DDX19A: variants seen among roughly 807,000 people sequenced by gnomAD.
DDX19A encodes the protein ATP-dependent RNA helicase DDX19A.
In DDX19A, 12 loss-of-function variants were observed where a neutral mutation model predicts 60.6. The observed-to-expected ratio is 0.20, with a 90% CI of 0.13 to 0.32. The LOEUF is 0.32. Ranked by LOEUF, DDX19A falls within the 10% of genes least tolerant of loss-of-function variation. The pLI, the probability that DDX19A is intolerant of heterozygous loss-of-function variation, is 1.00. For missense variants in DDX19A, 337 were observed against 600.6 expected, an observed-to-expected ratio of 0.56 and a Z score of 4.59; for synonymous variants, 206 against 218.2, an observed-to-expected ratio of 0.94 and a Z score of 0.49.
At chr16:70,370,420 G>T (rs944386652) in intron 10 of DDX19A, 35 bp downstream of exon 10, 1 of 1,596,034 alleles carries the variant, frequency 6.3e-7, no homozygotes, top group African/African-American at 1.4e-5. Flanking sequence ...GGTCTGCCAG[G>T]CTCGGGGTCC....
At position 70,361,400 on chromosome 16, in the gene DDX19A, G is replaced by C; in HGVS notation, c.294-18G>C. On this transcript the variant is annotated intron_variant, in intron 4 of 11. Transcript: ENST00000302243. ...TCTAACTTCTAGGCATCCATCCTCTGTCTTCCTGGCTTCCTAGGAAACCAC... is the reference window on the plus strand; with the variant it reads ...TCTAACTTCTAGGCATCCATCCTCTCTCTTCCTGGCTTCCTAGGAAACCAC... The C allele has an allele frequency of 6.3e-7, 1 of 1,589,724 alleles. No individual in the cohort carries two copies. Among genetic ancestry groups the C allele is most frequent in the South Asian group, 1.1e-5 (1 of 90,546 alleles).
chr16:70,351,302 C>T (rs931916919), intron 2 of DDX19A, among the ~76,000 whole-genome samples: 16 of 151,640 alleles, frequency 1.1e-4, no homozygotes, highest in Non-Finnish European at 1.8e-4. Flanking sequence ...GCCACCCAGG[C>T]TCAAGAGATC....
rs554575311 is a variant in DDX19A, at chr16:70,361,340, T to A, written c.294-78T>A. 1.7e-4 allele frequency: 187 copies of A among 1,083,650 alleles called. 4 individuals are homozygous for A. In the South Asian group the frequency reaches 2.2e-3, roughly 13 times the overall value. The allele number at this position is 1,083,650 out of a possible 1,614,324, so 67.1% of individuals were successfully genotyped here. A position where few individuals can be genotyped will look rare whatever the true frequency, so the allele number is the denominator to read the frequency against. On this transcript the variant is annotated intron_variant, in intron 4 of 11. Transcript: ENST00000302243. Reference sequence around the variant, plus strand: ...AGGTAGGAGGCATCATTCCTTTCTATAGAAAAAGATAAGATTCTAGGCCTC... The same window carrying A: ...AGGTAGGAGGCATCATTCCTTTCTAAAGAAAAAGATAAGATTCTAGGCCTC...
At chr16:70,348,053 C>A in intron 1 of DDX19A, 1 of 423,442 alleles carries the variant, frequency 2.4e-6, no homozygotes, top group Non-Finnish European at 4.7e-6. Context: ...ATTTATTGAA[C>A]TACAGAGAAC....
chr16:70,350,656 C>G (rs754635568), intron 2 of DDX19A, 51 bp downstream of exon 2: 1 of 1,361,676 alleles, frequency 7.3e-7, no homozygotes, highest in Admixed American at 1.8e-5. Flanking sequence ...TGGGCCGCTG[C>G]TTTGCACTCA....
chr16:70,350,818 G>T (rs1963988381), intron 2 of DDX19A, among the ~76,000 whole-genome samples: 1 of 151,642 alleles, frequency 6.6e-6, no homozygotes, highest in African/African-American at 2.4e-5. Context: ...GGATTGTACT[G>T]CTACTGTTCA....
intron 2 of DDX19A, among the ~76,000 whole-genome samples, chr16:70,355,098 C>T (rs1001929225): frequency 6.6e-6 from 1 of 152,086 alleles, no homozygotes; most frequent in Admixed American, 6.6e-5. Flanking sequence ...TCAGGCTGGA[C>T]GCTGTGGCTC....
chr16:70,348,583 C>G (rs914533755), intron 1 of DDX19A, among the ~76,000 whole-genome samples: 2 of 148,298 alleles, frequency 1.3e-5, no homozygotes, highest in African/African-American at 5.0e-5. Context: ...GCCAAAATTA[C>G]GCCACTGCAC....
chr16:70,371,199 C>T lies in DDX19A; in HGVS notation c.1184-173C>T, dbSNP rs999369495. The T allele has an allele frequency of 3.0e-4, 336 of 1,132,662 alleles. 1 individual carries two copies. The highest frequency in any genetic ancestry group is 3.3e-4 in the Non-Finnish European group (264 of 800,792). The allele number at this position is 1,132,662 out of a possible 1,614,324, so 70.2% of individuals were successfully genotyped here. On this transcript the variant is annotated intron_variant, in intron 10 of 11. Coordinates refer to ENST00000302243, the MANE Select transcript of DDX19A (RefSeq NM_018332.5). ...GCACTTGCCAAAGTTCTCTTCTTTT[C>T]CTCTGGGTTCTGTTGCCTGCCTATA...
intron 9 of DDX19A, among the ~76,000 whole-genome samples, chr16:70,369,577 A>G (rs939511717): frequency 4.6e-5 from 7 of 150,666 alleles, no homozygotes; most frequent in Admixed American, 4.0e-4. Flanking sequence ...GCCCCAGGTT[A>G]AATATTTTTG....
Position 70,347,051 on chromosome 16 carries a change from C to A in DDX19A, c.57+3C>A. 1 of 1,611,154 alleles carries A rather than the reference C, an allele frequency of 6.2e-7. No individual in the cohort carries two copies. The highest frequency in any genetic ancestry group is 8.5e-7 in the Non-Finnish European group (1 of 1,179,372). On this transcript the variant is annotated splice_donor_region_variant and intron_variant, in intron 1 of 11. Coordinates refer to ENST00000302243, the MANE Select transcript of DDX19A (RefSeq NM_018332.5). Reference sequence around the variant, plus strand: ...AGCAGGAAGCGGCTGTCAAGTCGGTCAGTAGCTCAGCTCCTGGCGAGGAGG... The same window carrying A: ...AGCAGGAAGCGGCTGTCAAGTCGGTAAGTAGCTCAGCTCCTGGCGAGGAGG...
At position 70,366,852 on chromosome 16, in the gene DDX19A, C is replaced by T. The variant is rs1296425650; in HGVS notation, c.1011C>T (p.Ile337=). The change falls in exon 9 of 12, where the codon ATC becomes ATT. Residue 337 remains isoleucine, a synonymous_variant. Coordinates refer to ENST00000302243, the MANE Select transcript of DDX19A (RefSeq NM_018332.5). ...YGAITIAQAM[I]FCHTRKTASW... ...CCATCACCATTGCTCAAGCCATGAT[C>T]TTCTGCCATGTGAGTAGCAGCGGCA... 16 of 1,613,878 alleles carry T rather than the reference C, an allele frequency of 9.9e-6. No homozygotes were observed. The highest frequency in any genetic ancestry group is 4.0e-5 in the African/African-American group (3 of 74,942).
At chr16:70,347,299 T>C (rs1054115497) in intron 1 of DDX19A, 123 of 551,338 alleles carry the variant, frequency 2.2e-4, no homozygotes, top group Non-Finnish European at 2.5e-4. Context: ...GTCATTCCTC[T>C]ATTGACCTCC....
intron 1 of DDX19A, among the ~76,000 whole-genome samples, chr16:70,348,530 G>A (rs1963915639): frequency 6.6e-6 from 1 of 151,712 alleles, no homozygotes; most frequent in South Asian, 2.1e-4. Flanking sequence ...AGGAGGCTGA[G>A]GCATGAGAAT....
intron 8 of DDX19A, 55 bp from the exon 9 acceptor site, chr16:70,366,569 C>A (rs1228377734): frequency 3.1e-6 from 5 of 1,607,410 alleles, no homozygotes; most frequent in East Asian, 2.2e-5. Context: ...GGAGGCTGTG[C>A]TTCCGTTGCT....
At chr16:70,349,336 T>A (rs900751020) in intron 1 of DDX19A, among the ~76,000 whole-genome samples, 2 of 152,210 alleles carry the variant, frequency 1.3e-5, no homozygotes, top group Non-Finnish European at 2.9e-5. Context: ...ATAGTCACCC[T>A]GTGCCTAGCA....
chr16:70,359,846 T>G (rs555282590), intron 4 of DDX19A, among the ~76,000 whole-genome samples: 20 of 152,222 alleles, frequency 1.3e-4, no homozygotes, highest in African/African-American at 4.6e-4. Flanking sequence ...AGTGAGAACG[T>G]CTCTCAGAAA....
chr16:70,364,298 G>T (rs1964455641), intron 5 of DDX19A: 6 of 469,668 alleles, frequency 1.3e-5, no homozygotes, highest in Non-Finnish European at 2.3e-5. Context: ...CTTTAGCTGT[G>T]CTAGAGGCTA....
At chr16:70,352,185 A>G (rs573620341) in intron 2 of DDX19A, among the ~76,000 whole-genome samples, 2 of 150,026 alleles carry the variant, frequency 1.3e-5, no homozygotes, top group South Asian at 4.2e-4. Context: ...CTCTCTCTCA[A>G]CCAAAACGTG....
Sources: gnomAD v4.1 joint callset for allele counts (sites outside exome capture counted in the v4.1 genomes callset) on GRCh38, gnomAD v4.1.1 for gene constraint, MANE v1.5 for transcripts, NCBI Gene and HGNC (gene_info 2026-07-23, HGNC 2026-07-21) for gene names.